Variants in DPYS observed in about 807,000 individuals in gnomAD.
DPYS encodes dihydropyrimidine amidohydrolase.
DPYS carries 39 observed loss-of-function variants against 50.3 expected under a neutral mutation model. The observed-to-expected ratio is 0.78, with a 90% CI of 0.60 to 1.01. DPYS has a LOEUF of 1.01. DPYS is among the 50% of genes least tolerant of loss of function. The pLI is 0.00. For missense variants in DPYS, 659 were observed against 680.9 expected, an observed-to-expected ratio of 0.97 and a Z score of 0.36; for synonymous variants, 245 against 250.7, an observed-to-expected ratio of 0.98 and a Z score of 0.22.
At chr8:104,381,997 C>G (rs1383648283) in intron 8 of DPYS, among the ~76,000 whole-genome samples, 1 of 152,150 alleles carries the variant, frequency 6.6e-6, no homozygotes, top group African/African-American at 2.4e-5. Flanking sequence ...AGTTAGAATT[C>G]TCCATTTGCC....
intron 7 of DPYS, among the ~76,000 whole-genome samples, chr8:104,416,262 T>C (rs189520441): frequency 1.3e-3 from 202 of 152,304 alleles, no homozygotes; most frequent in African/African-American, 4.7e-3. Flanking sequence ...TGCTTTGCTA[T>C]CATATGCTAG....
chr8:104,447,255 C>T, intron 3 of DPYS, 69 bp downstream of exon 3: 3 of 1,571,538 alleles, frequency 1.9e-6, no homozygotes, highest in South Asian at 1.1e-5. Flanking sequence ...CCTATGTAGG[C>T]CCAATCATCT....
intron 7 of DPYS, among the ~76,000 whole-genome samples, chr8:104,398,735 TAAC>T: frequency 6.6e-6 from 1 of 152,306 alleles, no homozygotes; most frequent in Non-Finnish European, 1.5e-5. Flanking sequence ...CACAGTATCT[TAAC>T]ACCCATCTAG....
rs151111879 is a variant in DPYS at position 104,451,288 on chromosome 8, G to A, written c.381C>T (p.Cys127=). The part of the protein sequence containing the change: ...WRSWADPKVC[C]DYSLHVAVTW... Reference sequence around the variant, plus strand: ...TCACTGCCACATGAAGGCTGTAGTCGCAGCAAACTTTGGGATCAGCCCAGC... The same window carrying A: ...TCACTGCCACATGAAGGCTGTAGTCACAGCAAACTTTGGGATCAGCCCAGC... The change falls in exon 2 of 10, where the codon TGC becomes TGT. Residue 127 remains cysteine, a synonymous_variant. Transcript: ENST00000351513. The A allele has an allele frequency of 7.6e-5, 122 of 1,613,984 alleles. No individual in the cohort carries two copies. The highest frequency in any genetic ancestry group is 1.3e-4 in the African/African-American group (10 of 74,892).
At chr8:104,457,379 C>T (rs754482393) in intron 1 of DPYS, among the ~76,000 whole-genome samples, 6 of 152,146 alleles carry the variant, frequency 3.9e-5, no homozygotes, top group Admixed American at 3.9e-4. Context: ...CTACTCAGGA[C>T]GTTGTACAAT....
intron 7 of DPYS, among the ~76,000 whole-genome samples, chr8:104,422,422 G>C (rs1812579593): frequency 6.6e-6 from 1 of 152,134 alleles, no homozygotes; most frequent in Admixed American, 6.5e-5. Context: ...AGAAACATCT[G>C]AATTTATGAA....
At chr8:104,437,043 A>G (rs995048515) in intron 4 of DPYS, among the ~76,000 whole-genome samples, 2 of 152,194 alleles carry the variant, frequency 1.3e-5, no homozygotes, top group Non-Finnish European at 2.9e-5. Flanking sequence ...TATTTCCTAA[A>G]ATGTATAGCA....
chr8:104,400,894 T>C (rs887979320), intron 7 of DPYS, among the ~76,000 whole-genome samples: 11 of 152,222 alleles, frequency 7.2e-5, no homozygotes, highest in African/African-American at 2.7e-4. Context: ...TCTGTCCCTT[T>C]GCAAATAGCT....
intron 1 of DPYS, 110 bp downstream of exon 1, chr8:104,466,547 C>G: frequency 7.9e-7 from 1 of 1,266,956 alleles, no homozygotes; most frequent in Non-Finnish European, 1.0e-6. Flanking sequence ...CCACCCAGCT[C>G]CTCGGCGCCG....
chr8:104,392,909 T>A lies in DPYS; in HGVS notation c.1318A>T (p.Thr440Ser), dbSNP rs1265680155. ...TATACCACTTTGCCTCTTGAAATAG[T>A]CACAAGGGGCACCCCGTGGCAAACC... ...GMVCHGVPLVTISRGKVVYEA... is the reference protein window; with the variant it reads ...GMVCHGVPLVSISRGKVVYEA... Residue 440 changes from threonine to serine, a missense_variant, in exon 8 of 10, where the codon ACT (threonine) becomes TCT (serine). Transcript: ENST00000351513. 6.2e-7 allele frequency: 1 copy of A among 1,614,198 alleles called. No homozygotes were observed. The highest frequency in any genetic ancestry group is 1.7e-5 in the Admixed American group (1 of 60,020).
intron 1 of DPYS, among the ~76,000 whole-genome samples, chr8:104,465,833 A>G (rs570088155): frequency 2.1e-4 from 32 of 152,252 alleles, no homozygotes; most frequent in Admixed American, 2.0e-3. Context: ...CTTTGTATCT[A>G]GAGAAACCCA....
chr8:104,436,120 G>A (rs980261454), intron 4 of DPYS, among the ~76,000 whole-genome samples: 1 of 152,148 alleles, frequency 6.6e-6, no homozygotes, highest in African/African-American at 2.4e-5. Flanking sequence ...AAGCTGTCCA[G>A]TGACTATGCC....
chr8:104,424,143 G>C, intron 7 of DPYS, 104 bp downstream of exon 7: 1 of 1,596,728 alleles, frequency 6.3e-7, no homozygotes, highest in South Asian at 1.1e-5. Flanking sequence ...AGCTAAAGAA[G>C]TCATCTAAGG....
At chr8:104,461,625 T>C (rs1814174117) in intron 1 of DPYS, among the ~76,000 whole-genome samples, 1 of 152,048 alleles carries the variant, frequency 6.6e-6, no homozygotes, top group South Asian at 2.1e-4. Context: ...CCATCAAAGT[T>C]TGGGAAACAG....
chr8:104,467,026 C>A lies in DPYS; in HGVS notation c.-106G>T. On this transcript the variant is annotated 5_prime_UTR_variant, in exon 1 of 10. Coordinates refer to ENST00000351513, the MANE Select transcript of DPYS (RefSeq NM_001385.3). Reference sequence around the variant, plus strand: ...CCTCCTGCAAGGTCCCCACCGACAGCCCCCGAGCTCTGCCTCAGGCTGCAA... The same window carrying A: ...CCTCCTGCAAGGTCCCCACCGACAGACCCCGAGCTCTGCCTCAGGCTGCAA... 1 of 1,289,120 alleles carries A rather than the reference C, an allele frequency of 7.8e-7. No homozygotes were observed. The highest frequency in any genetic ancestry group is 1.0e-6 in the Non-Finnish European group (1 of 1,002,570). 79.9% of individuals were successfully genotyped at this position (1,289,120 alleles called of 1,614,324 possible).
chr8:104,451,129 T>C, intron 2 of DPYS, 117 bp downstream of exon 2: 1 of 1,312,064 alleles, frequency 7.6e-7, no homozygotes, highest in Non-Finnish European at 1.1e-6. Context: ...TGAAAAGTCT[T>C]CCTGCCAGTT....
At chr8:104,429,113 G>A (rs939084997) in intron 5 of DPYS, 1 of 202,494 alleles carries the variant, frequency 4.9e-6, no homozygotes. Flanking sequence ...TTACAAGCAT[G>A]AGCCACTGCA....
At chr8:104,419,047 T>C in intron 7 of DPYS, 2 of 985,452 alleles carry the variant, frequency 2.0e-6, no homozygotes, top group Non-Finnish European at 2.4e-6. Context: ...AACTCGTTGC[T>C]CCAACCTAAA....
chr8:104,403,670 G>T (rs537073366), intron 7 of DPYS, among the ~76,000 whole-genome samples: 2 of 152,198 alleles, frequency 1.3e-5, no homozygotes, highest in African/African-American at 2.4e-5. Context: ...CCTACTGAGG[G>T]AAATGAAAAG....
Sources: allele counts gnomAD v4.1 joint callset (sites outside exome capture counted in the v4.1 genomes callset), GRCh38; gene constraint gnomAD v4.1.1; transcripts MANE v1.5; gene names NCBI Gene and HGNC (gene_info 2026-07-23, HGNC 2026-07-21).